Variants in MCPH1 observed in about 807,000 individuals in gnomAD.
MCPH1 encodes microcephalin 1, also known as microcephalin.
In MCPH1, 104 loss-of-function variants were observed where a neutral mutation model predicts 84.5. The ratio of observed to expected loss-of-function variants is 1.23; its 90% CI spans 1.05 to 1.45. The LOEUF (loss-of-function observed/expected upper bound fraction) is 1.45. Ranked by LOEUF, MCPH1 falls within the 40% of genes most tolerant of loss-of-function variation. The pLI is 0.00. For missense variants in MCPH1, 1,498 were observed against 1,005.7 expected, an observed-to-expected ratio of 1.49 and a Z score of -6.62; for synonymous variants, 514 against 366.8, an observed-to-expected ratio of 1.40 and a Z score of -4.58.
chr8:6,530,246 G>A (rs1482999808), intron 12 of MCPH1, among the ~76,000 whole-genome samples: 1 of 151,974 alleles, frequency 6.6e-6, no homozygotes, highest in Non-Finnish European at 1.5e-5. Context: ...GGTGGCTCAC[G>A]CCTGTGATCC....
chr8:6,467,053 T>A (rs1211352202), intron 9 of MCPH1, among the ~76,000 whole-genome samples: 2 of 152,198 alleles, frequency 1.3e-5, no homozygotes, highest in African/African-American at 4.8e-5. Flanking sequence ...AGGGGTTAAA[T>A]ACAATGACAA....
At chr8:6,635,700 G>C (rs1037141442) in intron 13 of MCPH1, among the ~76,000 whole-genome samples, 1 of 152,194 alleles carries the variant, frequency 6.6e-6, no homozygotes, top group Non-Finnish European at 1.5e-5. Context: ...TAGTGGTGCA[G>C]ATACCATTAA....
intron 12 of MCPH1, among the ~76,000 whole-genome samples, chr8:6,567,662 C>T (rs937496503): frequency 6.6e-6 from 1 of 152,106 alleles, no homozygotes; most frequent in Non-Finnish European, 1.5e-5. Context: ...CAATGGGAGG[C>T]CCTTGAAGGC....
chr8:6,539,852 G>C (rs574430731), intron 12 of MCPH1, among the ~76,000 whole-genome samples: 3 of 152,340 alleles, frequency 2.0e-5, no homozygotes, highest in African/African-American at 7.2e-5. Context: ...CTCCCAAAGT[G>C]CTAGGATTAC....
chr8:6,516,251 C>G (rs1461939206), intron 12 of MCPH1, among the ~76,000 whole-genome samples: 1 of 152,234 alleles, frequency 6.6e-6, no homozygotes, highest in Non-Finnish European at 1.5e-5. Flanking sequence ...CATTGCTACA[C>G]ACCACTCTCA....
At chr8:6,441,443 T>TA (rs1417124082) in intron 6 of MCPH1, among the ~76,000 whole-genome samples, 2 of 152,210 alleles carry the variant, frequency 1.3e-5, no homozygotes, top group African/African-American at 2.4e-5. Context: ...TTTGAGTCTC[T>TA]AAAAAATATC....
At chr8:6,626,784 G>C in intron 13 of MCPH1, 1 of 985,256 alleles carries the variant, frequency 1.0e-6, no homozygotes, top group South Asian at 4.7e-5. Flanking sequence ...CGGTCCTCAA[G>C]GGTCTGCGAC....
chr8:6,563,976 C>CTTT (rs11358428), intron 12 of MCPH1, among the ~76,000 whole-genome samples: 28 of 85,394 alleles, frequency 3.3e-4, no homozygotes, highest in African/African-American at 1.0e-3. Flanking sequence ...GGAATACAAA[C>CTTT]TTTTTTTTTT....
rs1798316755 is a variant in MCPH1 at position 6,648,398 on chromosome 8, T to C, written c.*5349T>C. The C allele has an allele frequency of 6.6e-6, 1 of 152,218 alleles. No individual in the cohort carries two copies. The highest frequency in any genetic ancestry group is 1.9e-4 in the East Asian group (1 of 5,202). The allele number at this position is 152,218 out of a possible 1,614,324, so 9.4% of individuals were successfully genotyped here. ...AGAGGACCCATCAGACAGAAAGTAA[T>C]ATGCAGATAACAGCCCAGGGGAATC... On this transcript the variant is annotated 3_prime_UTR_variant, in exon 14 of 14. Coordinates refer to ENST00000344683, the MANE Select transcript of MCPH1 (RefSeq NM_024596.5).
At chr8:6,433,215 A>C (rs185725661) in intron 4 of MCPH1, among the ~76,000 whole-genome samples, 2 of 152,200 alleles carry the variant, frequency 1.3e-5, no homozygotes, top group Non-Finnish European at 2.9e-5. Context: ...AGTTTTTGCT[A>C]AGTATATTAC....
In MCPH1 at chr8:6,442,156, G is replaced by C; in HGVS notation, c.670G>C (p.Asp224His). The change falls in exon 7 of 14, where the codon GAT (aspartate) becomes CAT (histidine). Residue 224 changes from aspartate (D) to histidine (H), a missense_variant and splice_region_variant. Transcript: ENST00000344683. ...CATTTCACGTGATACTTTGTGTTCA[G>C]GTAAAATTTTTATTTTCCTTTCTGT... is the stretch of plus-strand genomic sequence containing the variant. The part of the protein sequence containing the change: ...LNISRDTLCS[D>H]EYFAGGLHSS... 2 of 1,594,980 alleles carry C rather than the reference G, an allele frequency of 1.3e-6. No individual in the cohort carries two copies. Among genetic ancestry groups the C allele is most frequent in the African/African-American group, 2.7e-5 (2 of 74,648 alleles).
intron 9 of MCPH1, among the ~76,000 whole-genome samples, chr8:6,471,294 C>T (rs1020242024): frequency 6.6e-6 from 1 of 152,154 alleles, no homozygotes; most frequent in Non-Finnish European, 1.5e-5. Flanking sequence ...TACGACATTC[C>T]AGCAAAGGCC....
chr8:6,486,889 C>T (rs969447991), intron 11 of MCPH1, among the ~76,000 whole-genome samples: 2 of 152,166 alleles, frequency 1.3e-5, no homozygotes, highest in African/African-American at 4.8e-5. Context: ...TACTCTTTAT[C>T]CCACTCTCAC....
intron 12 of MCPH1, among the ~76,000 whole-genome samples, chr8:6,607,090 C>G (rs1371689574): frequency 6.6e-6 from 1 of 152,210 alleles, no homozygotes; most frequent in Non-Finnish European, 1.5e-5. Flanking sequence ...TTTATAGCAC[C>G]TTGGCATTTC....
intron 13 of MCPH1, among the ~76,000 whole-genome samples, chr8:6,629,507 T>C (rs1014481280): frequency 3.3e-5 from 5 of 152,120 alleles, no homozygotes; most frequent in African/African-American, 7.2e-5. Context: ...ACACCAAAGA[T>C]ATTTTTGCAC....
intron 12 of MCPH1, among the ~76,000 whole-genome samples, chr8:6,594,812 A>T (rs1042409839): frequency 6.6e-6 from 1 of 152,142 alleles, no homozygotes; most frequent in Non-Finnish European, 1.5e-5. Flanking sequence ...TCAGAATCTA[A>T]ATTACAGCAT....
chr8:6,603,811 T>C (rs1330693575), intron 12 of MCPH1, among the ~76,000 whole-genome samples: 1 of 152,188 alleles, frequency 6.6e-6, no homozygotes, highest in East Asian at 1.9e-4. Flanking sequence ...ATCAAGTCAA[T>C]ACTCTGTATG....
intron 3 of MCPH1, among the ~76,000 whole-genome samples, chr8:6,422,307 TACTAGAG>T (rs1391798826): frequency 6.6e-6 from 1 of 150,844 alleles, no homozygotes; most frequent in Non-Finnish European, 1.5e-5. Context: ...GGCGTAGAGA[TACTAGAG>T]AAAATATCAT....
chr8:6,445,846 G>C, intron 8 of MCPH1: 1 of 1,108,416 alleles, frequency 9.0e-7, no homozygotes, highest in Non-Finnish European at 1.1e-6. Flanking sequence ...GGGGAGTGAA[G>C]TCTTTTTCCT....
Sources: allele counts gnomAD v4.1 joint callset (sites outside exome capture counted in the v4.1 genomes callset), GRCh38; gene constraint gnomAD v4.1.1; transcripts MANE v1.5; gene names NCBI Gene and HGNC (gene_info 2026-07-23, HGNC 2026-07-21).